TDRD3: variants seen among roughly 807,000 people sequenced by gnomAD.
TDRD3 encodes the protein tudor domain-containing protein 3.
Under a neutral mutation model 86.7 loss-of-function variants are expected in TDRD3, and 45 were observed. That is an observed-to-expected ratio of 0.52 (90% CI 0.41 to 0.67). TDRD3 has a LOEUF of 0.67. Among genes scored for constraint, TDRD3 ranks in the 30% least tolerant of loss-of-function variants. TDRD3 has a pLI of 0.00. For synonymous variants in TDRD3, 298 were observed against 301.7 expected (o/e 0.99, Z 0.13); for missense variants, 814 against 889.0 (o/e 0.92, Z 1.07).
At position 60,505,743 on chromosome 13, in the gene TDRD3, A is replaced by G. The variant is rs539479566; in HGVS notation, c.859-4020A>G. On this transcript the variant is annotated intron_variant, in intron 8 of 13. Transcript: ENST00000377881. Reference sequence around the variant, plus strand: ...AGAACTTTGTGAAGCATACACAAGTATCAATAGCCGAATTGATAAAGTGGA... The same window carrying G: ...AGAACTTTGTGAAGCATACACAAGTGTCAATAGCCGAATTGATAAAGTGGA... Among the ~76,000 whole-genome samples, 449 of 152,356 alleles carry G rather than the reference A, an allele frequency of 2.9e-3. 1 individual carries two copies. Among genetic ancestry groups the G allele is most frequent in the Non-Finnish European group, 5.2e-3 (355 of 68,026 alleles).
rs1053845805 is a variant in TDRD3 at position 60,523,576 on chromosome 13, T to C, written c.1142-4791T>C. On this transcript the variant is annotated intron_variant, in intron 10 of 13. Transcript: ENST00000377881. The stretch of plus-strand genomic sequence containing the variant: ...GTCTATTTTGCAATACATTTTTCTT[T>C]TTTTTTTTTTTTTTTTTTGAGACAG... Among the ~76,000 whole-genome samples, 121 of 137,540 alleles carry C rather than the reference T, an allele frequency of 8.8e-4. 1 individual carries two copies. The highest frequency in any genetic ancestry group is 1.2e-3 in the Non-Finnish European group (78 of 65,162). 90.2% of individuals were successfully genotyped at this position (137,540 alleles called of 152,430 possible).
At chr13:60,522,103 A>G (rs1957301139) in intron 10 of TDRD3, among the ~76,000 whole-genome samples, 1 of 152,096 alleles carries the variant, frequency 6.6e-6, no homozygotes. Context: ...GATGTAGAGA[A>G]TATTTTTATA....
chr13:60,472,776 A>G (rs921488506), intron 5 of TDRD3, among the ~76,000 whole-genome samples: 14 of 152,204 alleles, frequency 9.2e-5, no homozygotes, highest in African/African-American at 3.4e-4. Flanking sequence ...AAAAAGACAA[A>G]TACTGTGTGA....
chr13:60,568,044 T>C (rs1320411711), intron 13 of TDRD3, among the ~76,000 whole-genome samples: 2 of 152,162 alleles, frequency 1.3e-5, no homozygotes, highest in African/African-American at 2.4e-5. Flanking sequence ...TTAATGTGGC[T>C]ACTAGAAAAT....
chr13:60,497,894 T>C (rs1182384425), intron 8 of TDRD3, among the ~76,000 whole-genome samples: 1 of 151,994 alleles, frequency 6.6e-6, no homozygotes. Flanking sequence ...TGTGGGATAA[T>C]GGTGGAAGCA....
intron 1 of TDRD3, among the ~76,000 whole-genome samples, chr13:60,403,763 G>T (rs1954161483): frequency 6.6e-6 from 1 of 152,142 alleles, no homozygotes; most frequent in African/African-American, 2.4e-5. Flanking sequence ...TCTATTGGAT[G>T]GATGTGAGTG....
intron 10 of TDRD3, among the ~76,000 whole-genome samples, chr13:60,518,576 T>C (rs1957220659): frequency 6.6e-6 from 1 of 152,236 alleles, no homozygotes; most frequent in Non-Finnish European, 1.5e-5. Flanking sequence ...TGTTGCTTTT[T>C]AAGTCATTAT....
intron 10 of TDRD3, among the ~76,000 whole-genome samples, chr13:60,511,687 A>G (rs1405891921): frequency 6.6e-6 from 1 of 152,174 alleles, no homozygotes; most frequent in East Asian, 1.9e-4. Context: ...ATGTTATCAG[A>G]GACTTGAGTT....
chr13:60,548,846 A>C (rs893075725), intron 12 of TDRD3, among the ~76,000 whole-genome samples: 2 of 152,180 alleles, frequency 1.3e-5, no homozygotes, highest in African/African-American at 4.8e-5. Flanking sequence ...ACACTTAAAA[A>C]TGTTCATAAC....
At chr13:60,487,231 C>T (rs141478571) in intron 7 of TDRD3, among the ~76,000 whole-genome samples, 133 of 152,266 alleles carry the variant, frequency 8.7e-4, no homozygotes, top group African/African-American at 2.9e-3. Flanking sequence ...TGCAGTGGCT[C>T]ATGCCTGTAA....
intron 11 of TDRD3, among the ~76,000 whole-genome samples, chr13:60,532,264 G>C (rs899220472): frequency 6.6e-6 from 1 of 152,286 alleles, no homozygotes; most frequent in Admixed American, 6.5e-5. Context: ...AGTGATTGGA[G>C]CATTCTTAGG....
At chr13:60,468,778 A>G (rs1336224991) in intron 5 of TDRD3, among the ~76,000 whole-genome samples, 1 of 152,184 alleles carries the variant, frequency 6.6e-6, no homozygotes, top group African/African-American at 2.4e-5. Flanking sequence ...TTTACATGTA[A>G]TAGATGTTAT....
At chr13:60,544,878 A>G (rs1957903438) in intron 12 of TDRD3, among the ~76,000 whole-genome samples, 1 of 152,192 alleles carries the variant, frequency 6.6e-6, no homozygotes, top group Admixed American at 6.5e-5. Flanking sequence ...TTAAATCTTG[A>G]TAGTATCAGA....
intron 10 of TDRD3, among the ~76,000 whole-genome samples, chr13:60,523,496 A>G (rs1042600368): frequency 6.6e-6 from 1 of 151,144 alleles, no homozygotes; most frequent in Non-Finnish European, 1.5e-5. Flanking sequence ...TAGTTTTCTC[A>G]TATGAGCTTT....
At chr13:60,427,039 A>G (rs1954831103) in intron 1 of TDRD3, among the ~76,000 whole-genome samples, 1 of 152,252 alleles carries the variant, frequency 6.6e-6, no homozygotes, top group African/African-American at 2.4e-5. Context: ...ATTAAAAAAT[A>G]TGTAAACATA....
intron 10 of TDRD3, among the ~76,000 whole-genome samples, chr13:60,520,669 G>A (rs1271655596): frequency 6.6e-6 from 1 of 152,178 alleles, no homozygotes; most frequent in African/African-American, 2.4e-5. Flanking sequence ...AAGCTCCACA[G>A]GATAGAGGGC....
rs191968588 is a variant in TDRD3 at position 60,513,585 on chromosome 13, T to C, written c.1141+2830T>C. Reference sequence around the variant, plus strand: ...TGGCTGTGTCCCCACCCAAATCTCATCTTGAATTCCCACATGTTGTGGGAG... The same window carrying C: ...TGGCTGTGTCCCCACCCAAATCTCACCTTGAATTCCCACATGTTGTGGGAG... On this transcript the variant is annotated intron_variant, in intron 10 of 13. Coordinates refer to ENST00000377881, the MANE Select transcript of TDRD3 (RefSeq NM_001146070.2). Among the ~76,000 whole-genome samples the C allele has an allele frequency of 2.9e-3, 442 of 152,304 alleles. 2 individuals are homozygous for C. Among genetic ancestry groups the C allele is most frequent in the African/African-American group, 0.01 (428 of 41,570 alleles).
At chr13:60,560,297 A>C (rs994394788) in intron 12 of TDRD3, among the ~76,000 whole-genome samples, 6 of 152,164 alleles carry the variant, frequency 3.9e-5, no homozygotes, top group Non-Finnish European at 5.9e-5. Flanking sequence ...ATAACATGCA[A>C]AATGCCAGGC....
chr13:60,512,241 C>T (rs1957075937), intron 10 of TDRD3, among the ~76,000 whole-genome samples: 2 of 152,126 alleles, frequency 1.3e-5, no homozygotes, highest in South Asian at 2.1e-4. Flanking sequence ...TCTTGTGAGA[C>T]TTATTCACTG....
Sources: allele counts gnomAD v4.1 joint callset (sites outside exome capture counted in the v4.1 genomes callset), GRCh38; gene constraint gnomAD v4.1.1; transcripts MANE v1.5; gene names NCBI Gene and HGNC (gene_info 2026-07-23, HGNC 2026-07-21).